Variants in PDK1 observed in about 807,000 individuals in gnomAD.
The protein encoded by PDK1 is [Pyruvate dehydrogenase (acetyl-transferring)] kinase isozyme 1, mitochondrial.
In PDK1, 39 loss-of-function variants were observed where a neutral mutation model predicts 54.2. The ratio of observed to expected loss-of-function variants is 0.72; its 90% CI spans 0.56 to 0.94. The LOEUF is 0.94. PDK1 is among the 40% of genes least tolerant of loss of function. The pLI is 0.00. For missense variants in PDK1, 552 were observed against 566.0 expected, an observed-to-expected ratio of 0.98 and a Z score of 0.25; for synonymous variants, 221 against 207.1, an observed-to-expected ratio of 1.07 and a Z score of -0.58.
the PDK1 span, among the ~76,000 whole-genome samples, chr2:172,690,485 G>C: frequency 6.7e-6 from 1 of 150,248 alleles, no homozygotes. Context: ...ACTTGACCCA[G>C]CAATCCCATT....
At chr2:172,661,932 G>A in the PDK1 span, among the ~76,000 whole-genome samples, 9 of 152,174 alleles carry the variant, frequency 5.9e-5, no homozygotes, top group South Asian at 4.1e-4. Context: ...ACAAACCTGC[G>A]TTTGTACACT....
the PDK1 span, among the ~76,000 whole-genome samples, chr2:172,655,368 T>C: frequency 6.6e-6 from 1 of 152,210 alleles, no homozygotes; most frequent in Non-Finnish European, 1.5e-5. Context: ...CACACATTCA[T>C]CATTCCAGGT....
chr2:172,713,167 T>C, the PDK1 span, among the ~76,000 whole-genome samples: 3 of 152,138 alleles, frequency 2.0e-5, no homozygotes, highest in African/African-American at 7.2e-5. Flanking sequence ...AGGAGACTCA[T>C]GGTGGGTAGC....
chr2:172,608,945 A>C (rs1435461332), downstream of PDK1, among the ~76,000 whole-genome samples: 1 of 152,198 alleles, frequency 6.6e-6, no homozygotes, highest in Non-Finnish European at 1.5e-5. Flanking sequence ...AACCACATTA[A>C]ATTGTATAAT....
In PDK1 at chr2:172,599,061, G is replaced by A. The variant is rs1186845685; in HGVS notation, c.*3092G>A. ...TTTATTTTCCATACATACTGCAAATGATTGACTTGTTGCATAAATGAAGAT... is the reference window on the plus strand; with the variant it reads ...TTTATTTTCCATACATACTGCAAATAATTGACTTGTTGCATAAATGAAGAT... On this transcript the variant is annotated 3_prime_UTR_variant, in exon 11 of 11. Coordinates refer to ENST00000282077, the MANE Select transcript of PDK1 (RefSeq NM_002610.5). 1 of 151,288 alleles carries A rather than the reference G, an allele frequency of 6.6e-6. No individual in the cohort carries two copies. The highest frequency in any genetic ancestry group is 1.5e-5 in the Non-Finnish European group (1 of 67,882). The allele number at this position is 151,288 out of a possible 1,614,324, so 9.4% of individuals were successfully genotyped here. A position where few individuals can be genotyped will look rare whatever the true frequency, so the allele number is the denominator to read the frequency against.
chr2:172,558,123 C>T, intron 1 of PDK1: 1 of 152,468 alleles, frequency 6.6e-6, no homozygotes, highest in Non-Finnish European at 1.5e-5. Context: ...AACCACTGTG[C>T]CTGGCCTCCT....
chr2:172,615,350 A>G, the PDK1 span, among the ~76,000 whole-genome samples: 1 of 152,258 alleles, frequency 6.6e-6, no homozygotes, highest in Non-Finnish European at 1.5e-5. Flanking sequence ...GAGGCCAGGC[A>G]TAGTGGTTTA....
At chr2:172,682,341 T>C in the PDK1 span, among the ~76,000 whole-genome samples, 238 of 152,332 alleles carry the variant, frequency 1.6e-3, no homozygotes, top group African/African-American at 5.4e-3. Flanking sequence ...CTCAGGGTTT[T>C]TTCTGAAGGT....
At chr2:172,668,940 A>T in the PDK1 span, among the ~76,000 whole-genome samples, 1 of 107,556 alleles carries the variant, frequency 9.3e-6, no homozygotes, top group Non-Finnish European at 2.1e-5. Flanking sequence ...GAGAGAGAGA[A>T]AGAGAGAGAG....
chr2:172,692,401 C>A, the PDK1 span, among the ~76,000 whole-genome samples: 1 of 152,066 alleles, frequency 6.6e-6, no homozygotes, highest in Non-Finnish European at 1.5e-5. Context: ...AAGTTTAGAA[C>A]TTTTTGCTGT....
the PDK1 span, among the ~76,000 whole-genome samples, chr2:172,713,101 A>G: frequency 2.6e-5 from 4 of 152,048 alleles, no homozygotes; most frequent in Admixed American, 2.6e-4. Context: ...GAGTACCTGG[A>G]GTGGGTAGCT....
Position 172,595,959 on chromosome 2 carries a change from G to T in PDK1, c.1301G>T (p.Arg434Leu), listed in dbSNP as rs982748518. The change falls in exon 11 of 11, where the codon CGC (arginine) becomes CTC (leucine). Residue 434 changes from arginine (R) to leucine (L), a missense_variant. Coordinates refer to ENST00000282077, the MANE Select transcript of PDK1 (RefSeq NM_002610.5). ...SREPKDMTTFRSA is the reference protein window; with the variant it reads ...SREPKDMTTFLSA ...GAACCCAAAGACATGACGACGTTCC[G>T]CAGTGCCTAGACACACTTGGGACAT... is the stretch of plus-strand genomic sequence containing the variant. 3.1e-6 allele frequency: 5 copies of T among 1,609,696 alleles called. No homozygotes were observed. Among genetic ancestry groups the T allele is most frequent in the African/African-American group, 2.7e-5 (2 of 74,828 alleles).
At chr2:172,655,135 A>C in the PDK1 span, among the ~76,000 whole-genome samples, 211 of 152,310 alleles carry the variant, frequency 1.4e-3, no homozygotes, top group Admixed American at 2.3e-3. Flanking sequence ...TCCAGCCTGC[A>C]GCCCTGCCCA....
chr2:172,677,128 A>G, the PDK1 span: 1 of 152,376 alleles, frequency 6.6e-6, no homozygotes, highest in Non-Finnish European at 1.5e-5. Context: ...CGAAACAAAA[A>G]AAATTGTGTG....
the PDK1 span, among the ~76,000 whole-genome samples, chr2:172,617,956 A>G: frequency 9.9e-5 from 15 of 152,218 alleles, no homozygotes; most frequent in Non-Finnish European, 1.6e-4. Flanking sequence ...CTTACAAAAC[A>G]TATTTCATGT....
At position 172,602,390 on chromosome 2, in the gene PDK1, A is replaced by G. The variant is rs1294637456; in HGVS notation, c.*6421A>G. The G allele has an allele frequency of 6.6e-6, 1 of 152,244 alleles. No individual in the cohort carries two copies. Among genetic ancestry groups the G allele is most frequent in the Non-Finnish European group, 1.5e-5 (1 of 68,036 alleles). 9.4% of individuals were successfully genotyped at this position (152,244 alleles called of 1,614,324 possible). A position where few individuals can be genotyped will look rare whatever the true frequency, so the allele number is the denominator to read the frequency against. ...GGAGAAAAACTATATGATCACATCA[A>G]CAGAAACAGGAAATTCAGTTTCTTT... On this transcript the variant is annotated 3_prime_UTR_variant, in exon 11 of 11. Transcript: ENST00000282077.
rs766647653 is a variant in PDK1 at position 172,597,062 on chromosome 2, G to A, written c.*1093G>A. 4.6e-5 allele frequency: 7 copies of A among 151,818 alleles called. No homozygotes were observed. The highest frequency in any genetic ancestry group is 1.5e-4 in the African/African-American group (6 of 41,326). The allele number at this position is 151,818 out of a possible 1,614,324, so 9.4% of individuals were successfully genotyped here. On this transcript the variant is annotated 3_prime_UTR_variant, in exon 11 of 11. Coordinates refer to ENST00000282077, the MANE Select transcript of PDK1 (RefSeq NM_002610.5). ...TAGAAGCAGAAGAACAAAATGCCAC[G>A]TAACCAAAGCATCAGAGCCATCATT...
At chr2:172,706,676 G>A in the PDK1 span, among the ~76,000 whole-genome samples, 3 of 152,140 alleles carry the variant, frequency 2.0e-5, no homozygotes, top group Non-Finnish European at 4.4e-5. Flanking sequence ...TGATCTGCCC[G>A]CCTCAGCCTC....
the PDK1 span, among the ~76,000 whole-genome samples, chr2:172,703,434 T>G: frequency 6.6e-6 from 1 of 152,196 alleles, no homozygotes; most frequent in Non-Finnish European, 1.5e-5. Context: ...GCCATTTTTA[T>G]ATCATTTTCC....
Sources: gnomAD v4.1 joint callset for allele counts (sites outside exome capture counted in the v4.1 genomes callset) on GRCh38, gnomAD v4.1.1 for gene constraint, MANE v1.5 for transcripts, NCBI Gene and HGNC (gene_info 2026-07-23, HGNC 2026-07-21) for gene names.